The following KIF11 variants were observed in gnomAD, a reference collection of about 807,000 sequenced individuals.
KIF11 encodes kinesin family member 11, also known as kinesin-like protein KIF11.
KIF11 carries 9 observed loss-of-function variants against 121.0 expected under a neutral mutation model. That is an observed-to-expected ratio of 0.07 (90% CI 0.04 to 0.13). The LOEUF (loss-of-function observed/expected upper bound fraction) is 0.13. KIF11 is among the 10% of genes least tolerant of loss of function. The probability of loss-of-function intolerance (pLI) is 1.00; values close to 1 mark genes in which losing one functional copy is unlikely to be tolerated. For missense variants in KIF11, 846 were observed against 1,217.5 expected, an observed-to-expected ratio of 0.69 and a Z score of 4.54; for synonymous variants, 408 against 421.0, an observed-to-expected ratio of 0.97 and a Z score of 0.38.
intron 11 of KIF11, among the ~76,000 whole-genome samples, 188 bp downstream of exon 11, chr10:92,629,083 C>T (rs1387937508): frequency 6.6e-6 from 1 of 151,872 alleles, no homozygotes; most frequent in South Asian, 2.1e-4. Flanking sequence ...CAGGGTCAAG[C>T]GATTCTCCTG....
intron 9 of KIF11, among the ~76,000 whole-genome samples, chr10:92,620,078 C>CTTTTTTTTT (rs1270524883): frequency 8.0e-6 from 1 of 125,494 alleles, no homozygotes; most frequent in Non-Finnish European, 1.7e-5. Context: ...GGTTCTTTGT[C>CTTTTTTTTT]TTTTTTTTTT....
chr10:92,624,228 CTTTTTT>C (rs201871020), intron 10 of KIF11, among the ~76,000 whole-genome samples: 3,082 of 99,798 alleles, frequency 0.031, 55 homozygotes, highest in Admixed American at 0.069. Context: ...TGATCTCATT[CTTTTTT>C]TTTTTTTTTT....
intron 17 of KIF11, among the ~76,000 whole-genome samples, chr10:92,643,836 A>G (rs774307415): frequency 1.3e-5 from 2 of 152,060 alleles, no homozygotes; most frequent in Non-Finnish European, 2.9e-5. Context: ...TGTGGCTTCT[A>G]TTATACTTCT....
chr10:92,626,746 A>ATTTAT (rs913999271), intron 10 of KIF11, among the ~76,000 whole-genome samples: 1 of 152,042 alleles, frequency 6.6e-6, no homozygotes, highest in East Asian at 1.9e-4. Flanking sequence ...ATCTATTTCT[A>ATTTAT]TTTATTTTAT....
chr10:92,647,316 C>T (rs1844930637), intron 18 of KIF11, among the ~76,000 whole-genome samples: 1 of 151,966 alleles, frequency 6.6e-6, no homozygotes, highest in East Asian at 1.9e-4. Flanking sequence ...TCAAAAGAGA[C>T]TTAAGACTAG....
At chr10:92,593,857 T>G (rs982423136) in intron 1 of KIF11, among the ~76,000 whole-genome samples, 3 of 152,230 alleles carry the variant, frequency 2.0e-5, no homozygotes, top group African/African-American at 4.8e-5. Context: ...ATGCAATATT[T>G]TCTGCATCCC....
chr10:92,621,147 T>G (rs1844612947), intron 9 of KIF11, among the ~76,000 whole-genome samples: 1 of 152,218 alleles, frequency 6.6e-6, no homozygotes, highest in Non-Finnish European at 1.5e-5. Context: ...CTGGAGGTTG[T>G]GGTTTTTCTT....
At chr10:92,649,155 A>AG (rs1194500361) in intron 19 of KIF11, among the ~76,000 whole-genome samples, 1 of 152,088 alleles carries the variant, frequency 6.6e-6, no homozygotes, top group African/African-American at 2.4e-5. Flanking sequence ...AATTGTTAAA[A>AG]GGGGATGGTG....
chr10:92,632,945 G>A (rs1844755506), intron 13 of KIF11, among the ~76,000 whole-genome samples: 1 of 149,380 alleles, frequency 6.7e-6, no homozygotes, highest in Non-Finnish European at 1.5e-5. Flanking sequence ...AACGTTAGAA[G>A]TAGAAGTCCT....
intron 11 of KIF11, among the ~76,000 whole-genome samples, 155 bp downstream of exon 11, chr10:92,629,050 G>A (rs1476649748): frequency 3.3e-5 from 5 of 151,614 alleles, no homozygotes; most frequent in African/African-American, 1.2e-4. Flanking sequence ...GCGTGATCTC[G>A]GCTCACTGTA....
intron 14 of KIF11, among the ~76,000 whole-genome samples, chr10:92,635,811 C>A (rs1844789441): frequency 6.6e-6 from 1 of 152,172 alleles, no homozygotes; most frequent in Admixed American, 6.5e-5. Context: ...TGAATTGATA[C>A]ATTTCTACTT....
At position 92,609,041 on chromosome 10, in the gene KIF11, C is replaced by A; in HGVS notation, c.409C>A (p.Pro137Thr). ...TCAGGATCCCTTGGCTGGTATAATT[C>A]CACGTACCCTTCATCAAATTTTTGA... ...WEEDPLAGII[P>T]RTLHQIFEKL... Residue 137 changes from proline to threonine, a missense_variant, in exon 5 of 22, where the codon CCA becomes ACA. By Grantham distance (38) the Pro-to-Thr change is conservative. Coordinates refer to ENST00000260731, the MANE Select transcript of KIF11 (RefSeq NM_004523.4). 1 of 1,577,072 alleles carries A rather than the reference C, an allele frequency of 6.3e-7. No individual in the cohort carries two copies. Among genetic ancestry groups the A allele is most frequent in the Non-Finnish European group, 8.6e-7 (1 of 1,163,624 alleles).
chr10:92,634,988 A>G (rs1844781964), intron 14 of KIF11, among the ~76,000 whole-genome samples: 1 of 152,208 alleles, frequency 6.6e-6, no homozygotes, highest in East Asian at 1.9e-4. Flanking sequence ...CCAGAGTTCT[A>G]TGGAAGTCAC....
intron 17 of KIF11, among the ~76,000 whole-genome samples, chr10:92,642,142 A>G (rs755346732): frequency 6.6e-5 from 10 of 151,582 alleles, no homozygotes; most frequent in East Asian, 1.9e-4. Context: ...GTTGCCATCT[A>G]TTGATTGTCT....
At chr10:92,600,667 A>G (rs1844359013) in intron 1 of KIF11, among the ~76,000 whole-genome samples, 1 of 149,604 alleles carries the variant, frequency 6.7e-6, no homozygotes, top group Admixed American at 6.7e-5. Flanking sequence ...GCCCATGCCT[A>G]GCTAAGTTTT....
At chr10:92,602,834 G>GTT (rs1167374158) in intron 1 of KIF11, among the ~76,000 whole-genome samples, 1 of 104,662 alleles carries the variant, frequency 9.6e-6, no homozygotes, top group Non-Finnish European at 1.8e-5. Flanking sequence ...ACGTGTGTGT[G>GTT]TGTGTGTGTG....
In KIF11 at chr10:92,593,163, T is replaced by C; in HGVS notation, c.-213T>C. 7.5e-6 allele frequency: 4 copies of C among 536,730 alleles called. No homozygotes were observed. In the South Asian group the frequency reaches 9.6e-5, roughly 13 times the overall value. The allele number at this position is 536,730 out of a possible 1,614,324, so 33.2% of individuals were successfully genotyped here. A position where few individuals can be genotyped will look rare whatever the true frequency, so the allele number is the denominator to read the frequency against. On this transcript the variant is annotated 5_prime_UTR_variant, in exon 1 of 22. Transcript: ENST00000260731. ...GGGATTCGGGCGGAGACGAGATTAGTGATTTGGCGGCTCCGACTGGCGCGG... is the reference window on the plus strand; with the variant it reads ...GGGATTCGGGCGGAGACGAGATTAGCGATTTGGCGGCTCCGACTGGCGCGG...
Position 92,645,492 on chromosome 10 carries a change from A to G in KIF11, c.2397A>G (p.Lys799=). ...CAAAATTGGTTGAAGAATCTGTGAA[A>G]CACTCTGATAAACTCAATGGCAACC... ...EGTKLVEESV[K]HSDKLNGNLE... is the part of the protein sequence containing the mutation. The change falls in exon 18 of 22, where the codon AAA becomes AAG. Residue 799 remains lysine (K), a synonymous_variant. Transcript: ENST00000260731. 2 of 1,614,152 alleles carry G rather than the reference A, an allele frequency of 1.2e-6. No individual in the cohort carries two copies. Among genetic ancestry groups the G allele is most frequent in the Middle Eastern group, 3.3e-4 (2 of 6,058 alleles).
At chr10:92,652,833 C>T (rs919434081) in intron 21 of KIF11, among the ~76,000 whole-genome samples, 1 of 152,120 alleles carries the variant, frequency 6.6e-6, no homozygotes, top group Non-Finnish European at 1.5e-5. Context: ...GGTTTTAGAC[C>T]TTCAGCTGAA....
Sources: gnomAD v4.1 joint callset for allele counts (sites outside exome capture counted in the v4.1 genomes callset) on GRCh38, gnomAD v4.1.1 for gene constraint, MANE v1.5 for transcripts, NCBI Gene and HGNC (gene_info 2026-07-23, HGNC 2026-07-21) for gene names.